MYO16: variants seen among roughly 807,000 people sequenced by gnomAD.
The protein encoded by MYO16 is unconventional myosin-XVI.
Under a neutral mutation model 205.3 loss-of-function variants are expected in MYO16, and 94 were observed. The ratio of observed to expected loss-of-function variants is 0.46; its 90% CI spans 0.39 to 0.54. The LOEUF is 0.54. MYO16 is among the 20% of genes least tolerant of loss of function. MYO16 has a pLI of 0.00. For missense variants in MYO16, 2,315 were observed against 2,387.5 expected (o/e 0.97, Z 0.63); for synonymous variants, 988 against 954.0 (o/e 1.04, Z -0.66).
At chr13:109,011,366 G>A (rs1358186245) in intron 22 of MYO16, among the ~76,000 whole-genome samples, 1 of 152,104 alleles carries the variant, frequency 6.6e-6, no homozygotes, top group African/African-American at 2.4e-5. Flanking sequence ...AGGGGTGTGC[G>A]TGTCTCATGG....
chr13:109,022,745 TGC>T (rs1886122809), intron 23 of MYO16, among the ~76,000 whole-genome samples: 1 of 130,084 alleles, frequency 7.7e-6, no homozygotes, highest in African/African-American at 2.9e-5. Context: ...ATTATATATA[TGC>T]ATATAAACAC....
chr13:108,869,486 A>T (rs1192903547), intron 12 of MYO16, among the ~76,000 whole-genome samples: 1 of 151,740 alleles, frequency 6.6e-6, no homozygotes, highest in Non-Finnish European at 1.5e-5. Context: ...GCACTTTGGG[A>T]GGCCGAGGCG....
chr13:108,865,087 C>T (rs1402104597), intron 11 of MYO16, among the ~76,000 whole-genome samples: 2 of 152,058 alleles, frequency 1.3e-5, no homozygotes, highest in African/African-American at 2.4e-5. Flanking sequence ...ATATTCTATC[C>T]TAATTCTACC....
the MYO16 span, among the ~76,000 whole-genome samples, chr13:108,588,908 T>C: frequency 1.3e-5 from 2 of 152,168 alleles, no homozygotes; most frequent in Non-Finnish European, 2.9e-5. Context: ...TGATTTTTAC[T>C]GCTGTATAGT....
rs115642940 is a variant in MYO16, at chr13:108,795,703, G to T, written c.741+2063G>T. 5.2e-3 allele frequency among the ~76,000 whole-genome samples: 797 copies of T among 152,238 alleles called. 4 individuals carry two copies. The highest frequency in any genetic ancestry group is 0.018 in the African/African-American group (753 of 41,528). ...CTAAATTAATGAAGAAATATAATTG[G>T]CCACATGCTATGAACAAAATAATAG... On this transcript the variant is annotated intron_variant, in intron 6 of 34. Transcript: ENST00000457511.
At chr13:108,873,351 A>G (rs1879156355) in intron 12 of MYO16, among the ~76,000 whole-genome samples, 4 of 152,258 alleles carry the variant, frequency 2.6e-5, no homozygotes, top group Admixed American at 2.0e-4. Flanking sequence ...TTTCATTATC[A>G]TTAACTCTGT....
chr13:108,706,130 C>T (rs964380010), intron 2 of MYO16, among the ~76,000 whole-genome samples: 3 of 152,100 alleles, frequency 2.0e-5, no homozygotes, highest in Non-Finnish European at 2.9e-5. Context: ...CTCCAACCAA[C>T]ATGTACAAGA....
At chr13:109,187,775 G>A (rs1285132633) in intron 34 of MYO16, among the ~76,000 whole-genome samples, 1 of 152,174 alleles carries the variant, frequency 6.6e-6, no homozygotes, top group African/African-American at 2.4e-5. Flanking sequence ...CCCAGGATAT[G>A]ACCTGTCTGG....
chr13:108,886,536 G>A (rs184827634), intron 13 of MYO16: 204 of 455,428 alleles, frequency 4.5e-4, no homozygotes, highest in African/African-American at 3.2e-3. Flanking sequence ...GGTGCCTGGT[G>A]CCCCCTTCTC....
chr13:108,753,770 G>A (rs1885329178), intron 4 of MYO16, among the ~76,000 whole-genome samples: 1 of 152,156 alleles, frequency 6.6e-6, no homozygotes, highest in African/African-American at 2.4e-5. Flanking sequence ...ATGACAATTA[G>A]CTGGAAAAGA....
At chr13:109,188,621 A>G (rs1879784564) in intron 34 of MYO16, among the ~76,000 whole-genome samples, 1 of 152,300 alleles carries the variant, frequency 6.6e-6, no homozygotes, top group South Asian at 2.1e-4. Context: ...GTGAAGTCCC[A>G]CAATAGTCCA....
At chr13:108,525,482 G>A in the MYO16 span, among the ~76,000 whole-genome samples, 2 of 152,108 alleles carry the variant, frequency 1.3e-5, no homozygotes, top group African/African-American at 2.4e-5. Context: ...TATTTGCTGT[G>A]GGGATGACCC....
chr13:109,059,616 T>C (rs903417654), intron 27 of MYO16, among the ~76,000 whole-genome samples: 23 of 152,196 alleles, frequency 1.5e-4, no homozygotes, highest in Non-Finnish European at 2.6e-4. Flanking sequence ...GGTTGCTTTT[T>C]TCTTGTAAAT....
At position 108,644,830 on chromosome 13, in the gene MYO16, A is replaced by AAT. The variant is rs1304001174; in HGVS notation, c.28+14962_28+14963dup. 2.6e-5 allele frequency among the ~76,000 whole-genome samples: 4 copies of AAT among 152,358 alleles called. No homozygotes were observed. In the South Asian group the frequency reaches 6.2e-4, roughly 24 times the overall value. On this transcript the variant is annotated intron_variant, in intron 1 of 34. Transcript: ENST00000457511. ...ACAGGCCAGAAGACACTGGTTTAAA[A>AAT]ATATAGTCTGGAGTATAGTCTGAAA... is the stretch of plus-strand genomic sequence containing the variant.
At chr13:109,096,657 C>G (rs1281665474) in intron 27 of MYO16, among the ~76,000 whole-genome samples, 1 of 152,160 alleles carries the variant, frequency 6.6e-6, no homozygotes, top group Non-Finnish European at 1.5e-5. Flanking sequence ...CTCCACAGCC[C>G]CATTTCTTGG....
intron 1 of MYO16, among the ~76,000 whole-genome samples, chr13:108,622,293 T>G (rs1330334167): frequency 1.3e-5 from 2 of 152,190 alleles, no homozygotes; most frequent in Non-Finnish European, 2.9e-5. Context: ...TTGTACTTGT[T>G]GAGCACCTAG....
At chr13:108,560,580 T>A in the MYO16 span, among the ~76,000 whole-genome samples, 21 of 152,244 alleles carry the variant, frequency 1.4e-4, no homozygotes, top group African/African-American at 4.3e-4. Flanking sequence ...CACTGATTTT[T>A]CCACTCATTT....
chr13:108,730,778 T>A (rs747115765), intron 4 of MYO16, among the ~76,000 whole-genome samples: 13 of 152,172 alleles, frequency 8.5e-5, no homozygotes, highest in Non-Finnish European at 1.8e-4. Flanking sequence ...TATATTGTTG[T>A]CCTAACTAGG....
intron 4 of MYO16, among the ~76,000 whole-genome samples, chr13:108,784,056 CCTGTG>C (rs776379980): frequency 1.2e-4 from 18 of 152,164 alleles, no homozygotes; most frequent in Non-Finnish European, 1.9e-4. Context: ...GAGTTATATG[CCTGTG>C]CTGTGCTCTA....
Sources: gnomAD v4.1 joint callset for allele counts (sites outside exome capture counted in the v4.1 genomes callset) on GRCh38, gnomAD v4.1.1 for gene constraint, MANE v1.5 for transcripts, NCBI Gene and HGNC (gene_info 2026-07-23, HGNC 2026-07-21) for gene names.